HIVEP3: variants seen among roughly 807,000 people sequenced by gnomAD.
HIVEP3 encodes the protein HIVEP zinc finger 3.
Under a neutral mutation model 152.8 loss-of-function variants are expected in HIVEP3, and 49 were observed. The observed-to-expected ratio is 0.32, with a 90% CI of 0.26 to 0.41. The LOEUF (loss-of-function observed/expected upper bound fraction) is 0.41, where lower values mean the gene tolerates loss of function less well. HIVEP3 is among the 10% of genes least tolerant of loss of function. The pLI is 1.00. For missense variants in HIVEP3, 2,790 were observed against 3,103.3 expected (o/e 0.90, Z 2.40); for synonymous variants, 1,269 against 1,289.0 (o/e 0.98, Z 0.33).
Position 41,527,129 on chromosome 1 carries a change from C to G in HIVEP3, c.5208-2219G>C, listed in dbSNP as rs111203970. 8.3e-5 allele frequency among the ~76,000 whole-genome samples: 12 copies of G among 144,400 alleles called. 1 individual carries two copies. Among genetic ancestry groups the G allele is most frequent in the African/African-American group, 3.1e-4 (12 of 38,694 alleles). 94.7% of individuals were successfully genotyped at this position (144,400 alleles called of 152,430 possible). On this transcript the variant is annotated intron_variant, in intron 5 of 8. Transcript: ENST00000372583. ...ACCCTCACACACCCTCTTCCTCACACACACCCTCACACACCCTCACATGCT... is the reference window on the plus strand; with the variant it reads ...ACCCTCACACACCCTCTTCCTCACAGACACCCTCACACACCCTCACATGCT...
Position 41,723,501 on chromosome 1 carries a change from C to CA in HIVEP3, c.-800-22507_-800-22506insT, listed in dbSNP as rs57345431. On this transcript the variant is annotated intron_variant, in intron 1 of 8. Coordinates refer to ENST00000372583, the MANE Select transcript of HIVEP3 (RefSeq NM_024503.5). Reference sequence around the variant, plus strand: ...TCATACACACACACACACACAGCCACCACACACACACACACACACACACAC... The same window carrying CA: ...TCATACACACACACACACACAGCCACACACACACACACACACACACACACAC... 1.3e-3 allele frequency among the ~76,000 whole-genome samples: 195 copies of CA among 146,548 alleles called. 1 individual carries two copies. Among genetic ancestry groups the CA allele is most frequent in the African/African-American group, 4.8e-3 (188 of 39,364 alleles).
chr1:41,809,278 C>T (rs12066085), intron 1 of HIVEP3, among the ~76,000 whole-genome samples: 4,191 of 152,296 alleles, frequency 0.028, 198 homozygotes, highest in African/African-American at 0.096. Context: ...TCATTGTTGA[C>T]GGCTCAGACA....
At chr1:41,916,923 T>A (rs1237391883) in intron 1 of HIVEP3, among the ~76,000 whole-genome samples, 1 of 152,044 alleles carries the variant, frequency 6.6e-6, no homozygotes, top group African/African-American at 2.4e-5. Flanking sequence ...GGGGTGAAAT[T>A]ACCAAATGAA....
intron 4 of HIVEP3, among the ~76,000 whole-genome samples, chr1:41,576,998 C>T (rs896155243): frequency 2.1e-4 from 32 of 152,142 alleles, no homozygotes; most frequent in Admixed American, 1.0e-3. Flanking sequence ...CTACCATTTC[C>T]ACTGCACCCC....
chr1:41,992,386 C>A (rs1267045269), intron 1 of HIVEP3, among the ~76,000 whole-genome samples: 3 of 138,392 alleles, frequency 2.2e-5, no homozygotes, highest in Non-Finnish European at 3.1e-5. Flanking sequence ...CATGAGTGAA[C>A]TCCCATTCAC....
chr1:41,718,780 A>C (rs893704088), intron 1 of HIVEP3, among the ~76,000 whole-genome samples: 2 of 128,076 alleles, frequency 1.6e-5, no homozygotes, highest in Admixed American at 7.6e-5. Context: ...ACACCCACAC[A>C]CACACACACA....
intron 1 of HIVEP3, among the ~76,000 whole-genome samples, chr1:41,969,153 C>A (rs1440458965): frequency 2.6e-4 from 39 of 152,120 alleles, no homozygotes; most frequent in Non-Finnish European, 3.5e-4. Flanking sequence ...TTTACAGATT[C>A]CATGCTATTC....
intron 5 of HIVEP3, among the ~76,000 whole-genome samples, chr1:41,530,008 C>T (rs1643197242): frequency 6.8e-6 from 1 of 146,696 alleles, no homozygotes; most frequent in Admixed American, 6.7e-5. Flanking sequence ...CACTTAGACT[C>T]ATTTGCACAC....
chr1:41,869,675 AC>A (rs1644044321), intron 1 of HIVEP3: 1 of 152,202 alleles, frequency 6.6e-6, no homozygotes, highest in South Asian at 2.1e-4. Flanking sequence ...AAACAAAGGG[AC>A]ACACAGAAAC....
intron 1 of HIVEP3, among the ~76,000 whole-genome samples, chr1:41,725,709 C>T (rs1429976841): frequency 6.6e-6 from 1 of 152,194 alleles, no homozygotes; most frequent in African/African-American, 2.4e-5. Context: ...CAGGCAGGCA[C>T]TATCAGATCT....
At chr1:41,787,439 A>G (rs988409826) in intron 1 of HIVEP3, among the ~76,000 whole-genome samples, 7 of 151,674 alleles carry the variant, frequency 4.6e-5, no homozygotes, top group Admixed American at 2.0e-4. Context: ...CCCCCTCCCT[A>G]CGTATACTTA....
chr1:41,788,578 A>C (rs1020108703), intron 1 of HIVEP3, among the ~76,000 whole-genome samples: 1 of 151,658 alleles, frequency 6.6e-6, no homozygotes, highest in South Asian at 2.1e-4. Context: ...GGGCAAGCCC[A>C]TTTGCTACAG....
In HIVEP3 at chr1:41,562,794, G is replaced by A. The variant is rs181925756; in HGVS notation, c.5207+12750C>T. Among the ~76,000 whole-genome samples, 9 of 152,210 alleles carry A rather than the reference G, an allele frequency of 5.9e-5. No homozygotes were observed. The East Asian group carries it at 1.7e-3, about 29-fold the overall frequency. Reference sequence around the variant, plus strand: ...CCCAAGCCTGCAGCAGGGAAATCTGGGAACCAATCTGATTTACATCCCAGG... The same window carrying A: ...CCCAAGCCTGCAGCAGGGAAATCTGAGAACCAATCTGATTTACATCCCAGG... On this transcript the variant is annotated intron_variant, in intron 5 of 8. Transcript: ENST00000372583.
Position 41,914,992 on chromosome 1 carries a change from T to C in HIVEP3, c.-801+3421A>G, listed in dbSNP as rs116545083. On this transcript the variant is annotated intron_variant, in intron 1 of 8. Transcript: ENST00000372583. ...TAGCATAGTAGTTCCCTGATAAATT[T>C]TGACAAAAGATCATAAAGTTCTCAA... Among the ~76,000 whole-genome samples the C allele has an allele frequency of 1.3e-3, 197 of 152,326 alleles. 1 individual carries two copies. The highest frequency in any genetic ancestry group is 4.3e-3 in the African/African-American group (180 of 41,578).
intron 1 of HIVEP3, among the ~76,000 whole-genome samples, chr1:41,774,020 G>A (rs1648535362): frequency 6.6e-6 from 1 of 152,246 alleles, no homozygotes; most frequent in Admixed American, 6.5e-5. Flanking sequence ...ACCTGCCTGA[G>A]CATCCTAGGA....
rs532393670 is a variant in HIVEP3 at position 41,533,145 on chromosome 1, G to A, written c.5208-8235C>T. ...ACGACCTGGAACCTGTGGCTCCTCT[G>A]CTCGTTGAAGGCCAGGACCGAGGCT... On this transcript the variant is annotated intron_variant, in intron 5 of 8. Coordinates refer to ENST00000372583, the MANE Select transcript of HIVEP3 (RefSeq NM_024503.5). The surrounding 1 kb of genome is among the most constrained non-coding windows in gnomAD (Gnocchi z 4.3). Among the ~76,000 whole-genome samples the A allele has an allele frequency of 2.0e-5, 3 of 152,266 alleles. No individual in the cohort carries two copies. The South Asian group carries it at 6.2e-4, about 32-fold the overall frequency.
intron 1 of HIVEP3, among the ~76,000 whole-genome samples, chr1:41,781,523 A>G (rs1268423746): frequency 6.6e-6 from 1 of 152,166 alleles, no homozygotes; most frequent in Admixed American, 6.5e-5. Flanking sequence ...GCTCTTTCTC[A>G]CTAGACTGAG....
At chr1:41,573,578 C>T (rs1204731463) in intron 5 of HIVEP3, among the ~76,000 whole-genome samples, 1 of 152,114 alleles carries the variant, frequency 6.6e-6, no homozygotes, top group East Asian at 1.9e-4. Context: ...GGGACTGTCC[C>T]AGACAGAGAT....
intron 2 of HIVEP3, among the ~76,000 whole-genome samples, chr1:41,650,265 G>C (rs944258179): frequency 5.3e-5 from 8 of 152,184 alleles, no homozygotes; most frequent in Non-Finnish European, 1.2e-4. Context: ...CACAAGGGCA[G>C]ACACGTGGGC....
Sources: gnomAD v4.1 joint callset for allele counts (sites outside exome capture counted in the v4.1 genomes callset) on GRCh38, gnomAD v4.1.1 for gene constraint, Gnocchi (gnomAD v3.1) non-coding constraint, MANE v1.5 for transcripts, NCBI Gene and HGNC (gene_info 2026-07-23, HGNC 2026-07-21) for gene names.